The following ACOXL variants were observed in gnomAD, a reference collection of about 807,000 sequenced individuals.
The protein encoded by ACOXL is acyl-CoA oxidase like, also known as acyl-coenzyme A oxidase-like protein.
Under a neutral mutation model 71.9 loss-of-function variants are expected in ACOXL, and 70 were observed. The observed-to-expected ratio is 0.97, with a 90% CI of 0.80 to 1.19. The LOEUF is 1.19. Among genes scored for constraint, ACOXL ranks in the 50% most tolerant of loss-of-function variants. The pLI is 0.00. For missense variants in ACOXL, 703 were observed against 736.3 expected, an observed-to-expected ratio of 0.95 and a Z score of 0.52; for synonymous variants, 253 against 281.6, an observed-to-expected ratio of 0.90 and a Z score of 1.02.
chr2:111,089,028 C>A (rs531470234), intron 16 of ACOXL, among the ~76,000 whole-genome samples: 2 of 152,096 alleles, frequency 1.3e-5, no homozygotes, highest in Non-Finnish European at 2.9e-5. Flanking sequence ...GACCCAGGCA[C>A]GGTGGCTCAC....
At chr2:110,746,515 C>T (rs919598348) in intron 1 of ACOXL, among the ~76,000 whole-genome samples, 74 of 152,188 alleles carry the variant, frequency 4.9e-4, no homozygotes, top group African/African-American at 1.7e-3. Context: ...TGAGTGGCTC[C>T]CAGATTCCAG....
intron 15 of ACOXL, among the ~76,000 whole-genome samples, chr2:111,040,463 G>A (rs1205623659): frequency 6.6e-6 from 1 of 151,954 alleles, no homozygotes; most frequent in African/African-American, 2.4e-5. Flanking sequence ...CACCCTTCTC[G>A]CCCCATATTT....
intron 17 of ACOXL, among the ~76,000 whole-genome samples, chr2:111,097,246 GC>G (rs1212162870): frequency 6.6e-6 from 1 of 151,942 alleles, no homozygotes; most frequent in Non-Finnish European, 1.5e-5. Context: ...AAAAAATCTA[GC>G]CCCCTGTTCT....
intron 16 of ACOXL, among the ~76,000 whole-genome samples, chr2:111,053,229 C>T (rs185213977): frequency 2.0e-5 from 3 of 152,176 alleles, no homozygotes; most frequent in African/African-American, 7.2e-5. Context: ...GGCCTTCTAC[C>T]ACTCGTCTCT....
At chr2:110,861,655 C>CTACAA (rs1693970614) in intron 10 of ACOXL, among the ~76,000 whole-genome samples, 1 of 152,194 alleles carries the variant, frequency 6.6e-6, no homozygotes, top group African/African-American at 2.4e-5. Context: ...AATTCTGCTC[C>CTACAA]TACAAAGATG....
intron 1 of ACOXL, among the ~76,000 whole-genome samples, chr2:110,759,397 T>A (rs1185726343): frequency 6.6e-6 from 1 of 152,240 alleles, no homozygotes; most frequent in Admixed American, 6.5e-5. Flanking sequence ...TAGTTGGCTC[T>A]TCTTGTTGAA....
chr2:110,917,755 C>T (rs1025485585), intron 11 of ACOXL, among the ~76,000 whole-genome samples: 2 of 152,108 alleles, frequency 1.3e-5, no homozygotes, highest in African/African-American at 4.8e-5. Flanking sequence ...TCCTATACAC[C>T]AATAATAGAC....
intron 11 of ACOXL, among the ~76,000 whole-genome samples, chr2:110,913,982 GAC>G: frequency 6.6e-6 from 1 of 152,230 alleles, no homozygotes; most frequent in East Asian, 1.9e-4. Context: ...ATGTGGAGGG[GAC>G]ATCCAAACTA....
Position 110,794,574 on chromosome 2 carries a change from G to A in ACOXL, c.345+400G>A, listed in dbSNP as rs574699619. On this transcript the variant is annotated intron_variant, in intron 5 of 17. Coordinates refer to ENST00000439055, the MANE Select transcript of ACOXL (RefSeq NM_001142807.4). The stretch of plus-strand genomic sequence containing the variant: ...CTCCACTGTGCCCTGTGTCAGGAGG[G>A]CACTATGCTGGGGCCACCTTATCAG... Among the ~76,000 whole-genome samples the A allele has an allele frequency of 1.2e-4, 18 of 152,316 alleles. No individual in the cohort carries two copies. The South Asian group carries it at 3.7e-3, about 32-fold the overall frequency.
intron 10 of ACOXL, among the ~76,000 whole-genome samples, chr2:110,884,581 TG>T (rs1407577532): frequency 6.6e-6 from 1 of 152,208 alleles, no homozygotes; most frequent in African/African-American, 2.4e-5. Context: ...AGGTACTGCA[TG>T]ATTCTATTTG....
At chr2:111,000,643 T>G (rs2063581548) in intron 14 of ACOXL, among the ~76,000 whole-genome samples, 2 of 152,324 alleles carry the variant, frequency 1.3e-5, no homozygotes, top group African/African-American at 4.8e-5. Flanking sequence ...CCTTTCTGGC[T>G]TCTGGTTGCT....
At chr2:110,831,221 C>G (rs1167370822) in intron 9 of ACOXL, among the ~76,000 whole-genome samples, 1 of 152,076 alleles carries the variant, frequency 6.6e-6, no homozygotes, top group African/African-American at 2.4e-5. Flanking sequence ...TACATGATTT[C>G]TTACATAGAA....
intron 12 of ACOXL, among the ~76,000 whole-genome samples, chr2:110,951,984 C>T (rs1259354766): frequency 6.6e-6 from 1 of 152,226 alleles, no homozygotes; most frequent in African/African-American, 2.4e-5. Flanking sequence ...ATCCAGGCTA[C>T]ATCACTCTCA....
Position 111,117,755 on chromosome 2 carries a change from T to C in ACOXL, c.1682T>C (p.Leu561Pro), listed in dbSNP as rs1236906828. The C allele has an allele frequency of 2.6e-6, 4 of 1,551,332 alleles. No individual in the cohort carries two copies. Among genetic ancestry groups the C allele is most frequent in the Admixed American group, 3.9e-5 (2 of 50,988 alleles). Residue 561 changes from leucine (L) to proline (P), a missense_variant, in exon 18 of 18, where the codon CTG (leucine) becomes CCG (proline). Coordinates refer to ENST00000439055, the MANE Select transcript of ACOXL (RefSeq NM_001142807.4). ...GCGTGGGCTTTCTACCCTGCACCGCTGCAGCCGCGGCCACGGGAAGAGGCG... is the reference window on the plus strand; with the variant it reads ...GCGTGGGCTTTCTACCCTGCACCGCCGCAGCCGCGGCCACGGGAAGAGGCG... ...RAAWAFYPAP[L>P]QPRPREEARS...
At chr2:110,915,267 A>G (rs532021524) in intron 11 of ACOXL, among the ~76,000 whole-genome samples, 4 of 150,768 alleles carry the variant, frequency 2.7e-5, no homozygotes, top group African/African-American at 9.8e-5. Flanking sequence ...TCTATTAAGA[A>G]ATGAGTTACA....
rs528758423 is a variant in ACOXL, at chr2:110,902,735, A to G, written c.789-6054A>G. On this transcript the variant is annotated intron_variant, in intron 10 of 17. Coordinates refer to ENST00000439055, the MANE Select transcript of ACOXL (RefSeq NM_001142807.4). Reference sequence around the variant, plus strand: ...TGGCATTAAAAATATCCTACTTTGTAAAATATTTGCCCTCTGAGTTTGTAT... The same window carrying G: ...TGGCATTAAAAATATCCTACTTTGTGAAATATTTGCCCTCTGAGTTTGTAT... 1.0e-3 allele frequency among the ~76,000 whole-genome samples: 158 copies of G among 152,192 alleles called. 1 individual carries two copies. The highest frequency in any genetic ancestry group is 1.7e-3 in the Non-Finnish European group (116 of 68,028).
chr2:110,768,256 A>T (rs1681375306), intron 1 of ACOXL, 112 bp from the exon 2 acceptor site: 1 of 766,084 alleles, frequency 1.3e-6, no homozygotes, highest in Non-Finnish European at 2.2e-6. Context: ...ACAGTATCAA[A>T]CAAGCATTAC....
chr2:110,768,562 TTA>T lies in ACOXL; in HGVS notation c.75+100_75+101del. The T allele has an allele frequency of 3.5e-6, 4 of 1,154,142 alleles. No individual in the cohort carries two copies. The South Asian group carries it at 4.2e-5, about 12-fold the overall frequency. 71.5% of individuals were successfully genotyped at this position (1,154,142 alleles called of 1,614,324 possible). Reference sequence around the variant, plus strand: ...AGTTTTTTTCTCTCCAGCTTTTATTTTATGTTTAGAGGGTATATGTGCAGGTT... The same window carrying T: ...AGTTTTTTTCTCTCCAGCTTTTATTTTGTTTAGAGGGTATATGTGCAGGTT... On this transcript the variant is annotated intron_variant, in intron 2 of 17. Coordinates refer to ENST00000439055, the MANE Select transcript of ACOXL (RefSeq NM_001142807.4).
chr2:110,874,518 C>A (rs1695657691), intron 10 of ACOXL, among the ~76,000 whole-genome samples: 1 of 152,158 alleles, frequency 6.6e-6, no homozygotes. Flanking sequence ...TGCCATTCAG[C>A]CTGACCTTGA....
Sources: gnomAD v4.1 joint callset for allele counts (sites outside exome capture counted in the v4.1 genomes callset) on GRCh38, gnomAD v4.1.1 for gene constraint, MANE v1.5 for transcripts, NCBI Gene and HGNC (gene_info 2026-07-23, HGNC 2026-07-21) for gene names.